Variants in ELAVL2 observed in about 807,000 individuals in gnomAD.
ELAVL2 encodes the protein ELAV-like protein 2.
Under a neutral mutation model 34.6 loss-of-function variants are expected in ELAVL2, and 4 were observed. That is an observed-to-expected ratio of 0.12 (90% CI 0.06 to 0.26). ELAVL2 has a LOEUF of 0.26. Among genes scored for constraint, ELAVL2 ranks in the 10% least tolerant of loss-of-function variants. The probability of loss-of-function intolerance (pLI) is 1.00; values close to 1 mark genes in which losing one functional copy is unlikely to be tolerated. For synonymous variants in ELAVL2, 193 were observed against 154.8 expected, an observed-to-expected ratio of 1.25 and a Z score of -1.83; for missense variants, 432 against 442.8, an observed-to-expected ratio of 0.98 and a Z score of 0.22.
chr9:23,826,747 G>A (rs1375468920), upstream of ELAVL2, among the ~76,000 whole-genome samples: 1 of 152,120 alleles, frequency 6.6e-6, no homozygotes, highest in Non-Finnish European at 1.5e-5. Flanking sequence ...ACTCTGTCCG[G>A]TATGTATGAG....
In ELAVL2 at chr9:23,801,909, T is replaced by C. The variant is rs561467322; in HGVS notation, c.-16+23897A>G. On this transcript the variant is annotated intron_variant, in intron 1 of 6. Transcript: ENST00000397312. ...TAGGAATTGACAGGTGGAGCCCTGA[T>C]TGACAATGGTGGTTTTAGATGACAC... 3.9e-5 allele frequency among the ~76,000 whole-genome samples: 6 copies of C among 152,220 alleles called. 1 individual carries two copies. The South Asian group carries it at 1.2e-3, about 32-fold the overall frequency.
chr9:23,708,734 C>T (rs536642124), intron 3 of ELAVL2, among the ~76,000 whole-genome samples: 36 of 152,256 alleles, frequency 2.4e-4, no homozygotes, highest in African/African-American at 7.5e-4. Context: ...CTCTGCCTCC[C>T]GGGTTCAAGC....
At chr9:23,743,653 T>C (rs576714500) in intron 2 of ELAVL2, among the ~76,000 whole-genome samples, 4 of 152,176 alleles carry the variant, frequency 2.6e-5, no homozygotes, top group African/African-American at 9.7e-5. Flanking sequence ...ATCTTTCCTA[T>C]GAAACAGGAA....
intron 2 of ELAVL2, among the ~76,000 whole-genome samples, chr9:23,750,352 G>GTATTA (rs112964613): frequency 0.097 from 14,781 of 151,926 alleles, 781 homozygotes; most frequent in Middle Eastern, 0.21. Context: ...TAACAAATCG[G>GTATTA]TATTAACAAT....
intron 4 of ELAVL2, among the ~76,000 whole-genome samples, chr9:23,702,508 A>T (rs578072008): frequency 6.6e-6 from 1 of 152,102 alleles, no homozygotes; most frequent in African/African-American, 2.4e-5. Flanking sequence ...ACAGCTGGTC[A>T]TCATGAGATA....
At chr9:23,707,112 C>T (rs1234532928) in intron 3 of ELAVL2, among the ~76,000 whole-genome samples, 3 of 152,142 alleles carry the variant, frequency 2.0e-5, no homozygotes, top group East Asian at 3.9e-4. Context: ...TATTTGTTTT[C>T]TCTATGCCTA....
intron 1 of ELAVL2, among the ~76,000 whole-genome samples, chr9:23,792,372 C>T (rs2060424849): frequency 1.3e-5 from 2 of 152,142 alleles, no homozygotes; most frequent in African/African-American, 2.4e-5. Context: ...GAACCATGCC[C>T]CCTCGCTTTT....
At chr9:23,809,950 C>T (rs2138036941) in intron 1 of ELAVL2, among the ~76,000 whole-genome samples, 1 of 152,258 alleles carries the variant, frequency 6.6e-6, no homozygotes, top group African/African-American at 2.4e-5. Context: ...GGATATCAAA[C>T]ATCCTATTGA....
chr9:23,804,781 C>T (rs1588672930), intron 1 of ELAVL2, among the ~76,000 whole-genome samples: 1 of 152,016 alleles, frequency 6.6e-6, no homozygotes, highest in Non-Finnish European at 1.5e-5. Flanking sequence ...GAAGTAAAGG[C>T]AAGTCGGGAA....
At chr9:23,705,176 C>A in intron 3 of ELAVL2, 105 bp from the exon 4 acceptor site, 1 of 1,324,024 alleles carries the variant, frequency 7.6e-7, no homozygotes, top group Non-Finnish European at 1.0e-6. Flanking sequence ...CAGCATAGAA[C>A]ACTGAAGTTC....
At chr9:23,831,233 G>A (rs150821477), upstream of ELAVL2, among the ~76,000 whole-genome samples, 33 of 152,132 alleles carry the variant, frequency 2.2e-4, no homozygotes, top group East Asian at 5.6e-3. Flanking sequence ...TAATAAAACC[G>A]GGCTGAGCAA....
In ELAVL2 at chr9:23,691,648, C is replaced by T. The variant is rs533458572; in HGVS notation, c.*909G>A. 7 of 152,618 alleles carry T rather than the reference C, an allele frequency of 4.6e-5. No individual in the cohort carries two copies. The highest frequency in any genetic ancestry group is 1.2e-4 in the African/African-American group (5 of 41,534). 9.5% of individuals were successfully genotyped at this position (152,618 alleles called of 1,614,324 possible). ...TCACATAATAACCAGGATGATCAGA[C>T]GCTCCACTGGTGATTACAAAAATGA... On this transcript the variant is annotated 3_prime_UTR_variant, in exon 7 of 7. Coordinates refer to ENST00000397312, the MANE Select transcript of ELAVL2 (RefSeq NM_004432.5).
chr9:23,801,126 G>C (rs2061515263), intron 1 of ELAVL2, among the ~76,000 whole-genome samples: 3 of 152,080 alleles, frequency 2.0e-5, no homozygotes, highest in Non-Finnish European at 1.5e-5. Context: ...AAGCCCTCCA[G>C]ACTATTTCTC....
chr9:23,829,303 A>C (rs551300339), upstream of ELAVL2, among the ~76,000 whole-genome samples: 1 of 152,238 alleles, frequency 6.6e-6, no homozygotes, highest in South Asian at 2.1e-4. Context: ...GAGAACATTT[A>C]TTCATAAGAA....
Position 23,704,968 on chromosome 9 carries a change from G to T in ELAVL2, c.437C>A (p.Ser146Ter), listed in dbSNP as rs867331367. Residue 146 changes from serine to a stop codon, truncating the protein, a stop_gained, in exon 4 of 7, where the codon TCA becomes TAA. Transcript: ENST00000397312. LOFTEE classifies it high-confidence loss of function. Reference sequence around the variant, plus strand: ...AGAAGTAATAATGCGTCCATATTGTGAAAAAAGCTGTTCCAACTCCTTCTG... The same window carrying T: ...AGAAGTAATAATGCGTCCATATTGTTAAAAAAGCTGTTCCAACTCCTTCTG... ...MTQKELEQLFSQYGRIITSRI... is the reference protein window; with the variant it reads ...MTQKELEQLF 1 of 1,614,062 alleles carries T rather than the reference G, an allele frequency of 6.2e-7. No homozygotes were observed. Among genetic ancestry groups the T allele is most frequent in the South Asian group, 1.1e-5 (1 of 91,078 alleles).
At chr9:23,816,987 G>A (rs1264696808) in intron 1 of ELAVL2, among the ~76,000 whole-genome samples, 1 of 151,722 alleles carries the variant, frequency 6.6e-6, no homozygotes, top group African/African-American at 2.4e-5. Context: ...ACATCAAACT[G>A]TAGATAACAT....
chr9:23,786,671 C>CAA (rs1282860332), intron 1 of ELAVL2, among the ~76,000 whole-genome samples: 1 of 150,306 alleles, frequency 6.7e-6, no homozygotes, highest in Non-Finnish European at 1.5e-5. Context: ...TATTAAACTT[C>CAA]AAGGTACAGA....
chr9:23,816,624 G>A (rs1025936592), intron 1 of ELAVL2, among the ~76,000 whole-genome samples: 3 of 152,056 alleles, frequency 2.0e-5, no homozygotes, highest in African/African-American at 7.2e-5. Context: ...TCAACTGTAT[G>A]GTGATATAAA....
At chr9:23,768,823 G>C (rs576377629) in intron 1 of ELAVL2, among the ~76,000 whole-genome samples, 1 of 152,228 alleles carries the variant, frequency 6.6e-6, no homozygotes, top group South Asian at 2.1e-4. Flanking sequence ...GTAAATGCAG[G>C]AAAATTAAAC....
Sources: gnomAD v4.1 joint callset for allele counts (sites outside exome capture counted in the v4.1 genomes callset) on GRCh38, gnomAD v4.1.1 for gene constraint, MANE v1.5 for transcripts, NCBI Gene and HGNC (gene_info 2026-07-23, HGNC 2026-07-21) for gene names.